The following VASH1 variants were observed in gnomAD, a reference collection of about 807,000 sequenced individuals.
VASH1 encodes tubulinyl-Tyr carboxypeptidase 1.
Under a neutral mutation model 35.0 loss-of-function variants are expected in VASH1, and 16 were observed. That is an observed-to-expected ratio of 0.46 (90% confidence interval 0.31 to 0.70). The LOEUF (loss-of-function observed/expected upper bound fraction) is 0.70. Ranked by LOEUF, VASH1 falls within the 30% of genes least tolerant of loss-of-function variation. VASH1 has a pLI of 0.05. For synonymous variants in VASH1, 214 were observed against 200.9 expected (o/e 1.07, Z -0.55); for missense variants, 505 against 510.7 (o/e 0.99, Z 0.11).
chr14:76,779,102 G>C lies in VASH1; in HGVS notation c.*84G>C, dbSNP rs1249398442. ...AACCAGCCTTATGCATGGGGAAGGC[G>C]GGGCTGGTGACAAGGCAGGGCAAGA... On this transcript the variant is annotated 3_prime_UTR_variant, in exon 7 of 7. Transcript: ENST00000167106. The C allele has an allele frequency of 6.2e-6, 9 of 1,457,602 alleles. No homozygotes were observed. Among genetic ancestry groups the C allele is most frequent in the Non-Finnish European group, 8.6e-6 (9 of 1,045,790 alleles). The allele number at this position is 1,457,602 out of a possible 1,614,324, so 90.3% of individuals were successfully genotyped here. A position where few individuals can be genotyped will look rare whatever the true frequency, so the allele number is the denominator to read the frequency against.
chr14:76,778,059 G>A lies in VASH1; in HGVS notation c.1013G>A (p.Arg338His), dbSNP rs765093607. ...AQSSPHRRNS[R>H]SERRPSGDKK... ...TCCAGCCCCCACCGCAGGAACAGCC[G>A]CAGTGAAAGACGGTGAGAGAGGGAC... is the stretch of plus-strand genomic sequence containing the variant. Residue 338 changes from arginine (R) to histidine (H), a missense_variant, in exon 6 of 7, where the codon CGC becomes CAC. By Grantham distance (29) the Arg-to-His change is conservative. Transcript: ENST00000167106. 1.5e-5 allele frequency: 22 copies of A among 1,503,374 alleles called. No homozygotes were observed. Among genetic ancestry groups the A allele is most frequent in the African/African-American group, 2.9e-5 (2 of 69,516 alleles). 93.1% of individuals were successfully genotyped at this position (1,503,374 alleles called of 1,614,324 possible).
Position 76,780,701 on chromosome 14 carries a change from T to C in VASH1, c.*1683T>C, listed in dbSNP as rs1894081452. On this transcript the variant is annotated 3_prime_UTR_variant, in exon 7 of 7. Transcript: ENST00000167106. Reference sequence around the variant, plus strand: ...TGTCTGCTTTGTCAGAGGCCAGAATTCTGACTTTTTATGTGAAATAGGATT... The same window carrying C: ...TGTCTGCTTTGTCAGAGGCCAGAATCCTGACTTTTTATGTGAAATAGGATT... The C allele has an allele frequency of 1.3e-5, 2 of 152,338 alleles. No individual in the cohort carries two copies. The highest frequency in any genetic ancestry group is 1.3e-4 in the Admixed American group (2 of 15,302). The allele number at this position is 152,338 out of a possible 1,614,324, so 9.4% of individuals were successfully genotyped here.
Position 76,762,890 on chromosome 14 carries a change from C to A in VASH1, c.69C>A (p.Thr23=). ...CCACTCCAACGTCCGCTGCGGCCAC[C>A]GCCCCCTCTGGGGTCAGGCGTTTGG... ...SGATPTSAAA[T]APSGVRRLET... Residue 23 remains threonine, a synonymous_variant, in exon 1 of 7, where the codon ACC becomes ACA. Coordinates refer to ENST00000167106, the MANE Select transcript of VASH1 (RefSeq NM_014909.5). 1 of 1,555,072 alleles carries A rather than the reference C, an allele frequency of 6.4e-7. No individual in the cohort carries two copies. The highest frequency in any genetic ancestry group is 8.7e-7 in the Non-Finnish European group (1 of 1,150,384).
chr14:76,762,992 C>A lies in VASH1; in HGVS notation c.171C>A (p.Gly57=). 1 of 1,549,560 alleles carries A rather than the reference C, an allele frequency of 6.5e-7. No individual in the cohort carries two copies. Among genetic ancestry groups the A allele is most frequent in the South Asian group, 1.2e-5 (1 of 82,968 alleles). Residue 57 remains glycine (G), a synonymous_variant, in exon 1 of 7, where the codon GGC becomes GGA. Transcript: ENST00000167106. ...EEGEEDLRDG[G]VPFFVNRGGL... is the part of the protein sequence containing the mutation. The stretch of plus-strand genomic sequence containing the variant: ...GGGAAGAGGACCTGCGAGACGGAGG[C>A]GTCCCCTTCTTTGTCAACCGGGGTG...
intron 4 of VASH1, 83 bp from the exon 5 acceptor site, chr14:76,775,809 C>T: frequency 6.8e-7 from 1 of 1,469,674 alleles, no homozygotes; most frequent in East Asian, 2.5e-5. Context: ...GGTGCGTGGA[C>T]CCCGTGGCTC....
At position 76,775,884 on chromosome 14, in the gene VASH1, C is replaced by A; in HGVS notation, c.531-8C>A. On this transcript the variant is annotated splice_polypyrimidine_tract_variant and splice_region_variant and intron_variant, in intron 4 of 6. Coordinates refer to ENST00000167106, the MANE Select transcript of VASH1 (RefSeq NM_014909.5). ...TCCTGGCTCTTTCCTTAGCGGGGCA[C>A]TGGCCAGTTACCTCACCAACAGCAT... 2 of 1,556,940 alleles carry A rather than the reference C, an allele frequency of 1.3e-6. No individual in the cohort carries two copies.
chr14:76,776,111 C>T lies in VASH1; in HGVS notation c.750C>T (p.Cys250=), dbSNP rs1467468088. Residue 250 remains cysteine, a synonymous_variant, in exon 5 of 7, where the codon TGC becomes TGT. Coordinates refer to ENST00000167106, the MANE Select transcript of VASH1 (RefSeq NM_014909.5). The stretch of plus-strand genomic sequence containing the variant: ...ACTTCGAGGCCGCCTACGGCCGCTG[C>T]TGGCACGTGCTCAAGAAGGTGAAGC... ...VLDFEAAYGR[C]WHVLKKVKLG... The T allele has an allele frequency of 5.0e-6, 8 of 1,609,186 alleles. No homozygotes were observed. The East Asian group carries it at 1.6e-4, about 31-fold the overall frequency.
In VASH1 at chr14:76,779,098, A is replaced by G; in HGVS notation, c.*80A>G. The G allele has an allele frequency of 6.7e-7, 1 of 1,484,594 alleles. No individual in the cohort carries two copies. Among genetic ancestry groups the G allele is most frequent in the South Asian group, 1.1e-5 (1 of 88,338 alleles). The allele number at this position is 1,484,594 out of a possible 1,614,324, so 92.0% of individuals were successfully genotyped here. A position where few individuals can be genotyped will look rare whatever the true frequency, so the allele number is the denominator to read the frequency against. On this transcript the variant is annotated 3_prime_UTR_variant, in exon 7 of 7. Transcript: ENST00000167106. ...CTGGAACCAGCCTTATGCATGGGGA[A>G]GGCGGGGCTGGTGACAAGGCAGGGC...
chr14:76,766,026 G>C (rs1000847014), intron 1 of VASH1, among the ~76,000 whole-genome samples: 1 of 152,210 alleles, frequency 6.6e-6, no homozygotes, highest in African/African-American at 2.4e-5. Flanking sequence ...TTCCGCAGCT[G>C]TGAAATGGAG....
At chr14:76,772,226 C>T (rs980732614) in intron 3 of VASH1, among the ~76,000 whole-genome samples, 11 of 151,564 alleles carry the variant, frequency 7.3e-5, no homozygotes, top group East Asian at 1.9e-4. Flanking sequence ...GGTGACAGGG[C>T]GAGACTCTGT....
chr14:76,764,168 GAATT>G (rs1893580837), intron 1 of VASH1, among the ~76,000 whole-genome samples: 1 of 152,212 alleles, frequency 6.6e-6, no homozygotes, highest in Non-Finnish European at 1.5e-5. Flanking sequence ...AAGTTAGTGT[GAATT>G]AGACATGAGG....
chr14:76,763,821 C>A (rs1893570993), intron 1 of VASH1, among the ~76,000 whole-genome samples: 1 of 152,186 alleles, frequency 6.6e-6, no homozygotes, highest in Non-Finnish European at 1.5e-5. Flanking sequence ...AACTCCTCCT[C>A]CATGACAGCT....
chr14:76,778,211 G>A (rs1048285360), intron 6 of VASH1, 140 bp downstream of exon 6: 1 of 623,686 alleles, frequency 1.6e-6, no homozygotes, highest in Non-Finnish European at 2.5e-6. Flanking sequence ...ACTTGGGATG[G>A]TGGGTTTAGA....
At position 76,762,660 on chromosome 14, in the gene VASH1, A is replaced by AT. The variant is rs375099677; in HGVS notation, c.-154dup. 7.2e-4 allele frequency: 414 copies of AT among 573,272 alleles called. No homozygotes were observed. Among genetic ancestry groups the AT allele is most frequent in the Non-Finnish European group, 6.6e-4 (238 of 362,008 alleles). 35.5% of individuals were successfully genotyped at this position (573,272 alleles called of 1,614,324 possible). ...GACCCTAATTCACCTTATTGCACTGATTTTTTTTATCAAGTCGTATTTTAT... is the reference window on the plus strand; with the variant it reads ...GACCCTAATTCACCTTATTGCACTGATTTTTTTTTATCAAGTCGTATTTTAT... On this transcript the variant is annotated 5_prime_UTR_variant, in exon 1 of 7. Coordinates refer to ENST00000167106, the MANE Select transcript of VASH1 (RefSeq NM_014909.5).
chr14:76,769,947 CT>C lies in VASH1; in HGVS notation c.310-13del. 1 of 1,613,392 alleles carries C rather than the reference CT, an allele frequency of 6.2e-7. No individual in the cohort carries two copies. Among genetic ancestry groups the C allele is most frequent in the South Asian group, 1.1e-5 (1 of 91,086 alleles). On this transcript the variant is annotated splice_polypyrimidine_tract_variant and intron_variant, in intron 1 of 6. Transcript: ENST00000167106. ...TGAGCCTCTTCTTGTGACCGGAGCT[CT>C]TTCTCTGTCCCCAGATCCCCATACC...
At chr14:76,769,281 C>G (rs924903905) in intron 1 of VASH1, 2 of 1,286,374 alleles carry the variant, frequency 1.6e-6, no homozygotes, top group Non-Finnish European at 2.0e-6. Flanking sequence ...GAAACCTGTA[C>G]TGACTAGGTG....
At chr14:76,763,185 G>A (rs1444899727) in intron 1 of VASH1, 55 bp downstream of exon 1, 6 of 1,369,764 alleles carry the variant, frequency 4.4e-6, no homozygotes, top group Non-Finnish European at 5.7e-6. Flanking sequence ...AGTGACCTTG[G>A]GGCCAAGAGT....
At chr14:76,776,446 C>G (rs1893947525) in intron 5 of VASH1, among the ~76,000 whole-genome samples, 173 bp downstream of exon 5, 1 of 152,052 alleles carries the variant, frequency 6.6e-6, no homozygotes, top group Non-Finnish European at 1.5e-5. Flanking sequence ...ACCAGGACGG[C>G]TGCGGAGGGA....
At chr14:76,778,917 C>G in intron 6 of VASH1, 29 bp from the exon 7 acceptor site, 1 of 1,611,692 alleles carries the variant, frequency 6.2e-7, no homozygotes, top group Non-Finnish European at 8.5e-7. Flanking sequence ...CACTCACTCT[C>G]CTCCCGCTCT....
Sources: gnomAD v4.1 joint callset for allele counts (sites outside exome capture counted in the v4.1 genomes callset) on GRCh38, gnomAD v4.1.1 for gene constraint, MANE v1.5 for transcripts, NCBI Gene and HGNC (gene_info 2026-07-23, HGNC 2026-07-21) for gene names.